Variants in GRIN2B observed in about 807,000 individuals in gnomAD.
GRIN2B encodes glutamate ionotropic receptor NMDA type subunit 2B, also known as glutamate receptor ionotropic, NMDA 2B.
GRIN2B carries 5 observed loss-of-function variants against 114.5 expected under a neutral mutation model. The ratio of observed to expected loss-of-function variants is 0.04; its 90% CI spans 0.02 to 0.09. The LOEUF (loss-of-function observed/expected upper bound fraction) is 0.09. Among genes scored for constraint, GRIN2B ranks in the 10% least tolerant of loss-of-function variants. The pLI is 1.00. For missense variants in GRIN2B, 1,108 were observed against 1,943.5 expected (o/e 0.57, Z 8.08); for synonymous variants, 787 against 745.1 (o/e 1.06, Z -0.92).
At chr12:13,834,466 A>T (rs1192868258) in intron 3 of GRIN2B, among the ~76,000 whole-genome samples, 2 of 151,784 alleles carry the variant, frequency 1.3e-5, no homozygotes, top group Non-Finnish European at 2.9e-5. Flanking sequence ...GTCATCTTTG[A>T]CCTACATGTG....
chr12:13,738,944 G>A (rs1187959813), intron 4 of GRIN2B, among the ~76,000 whole-genome samples: 2 of 152,164 alleles, frequency 1.3e-5, no homozygotes, highest in African/African-American at 2.4e-5. Flanking sequence ...TCATGACTGA[G>A]AAGCACTGAC....
chr12:13,564,718 T>G lies in GRIN2B; in HGVS notation c.2599-79A>C. ...ACAAAAAACACTCTCCCACCAATAATTGCTCCAACTGGATAAGAAAAAGGG... is the reference window on the plus strand; with the variant it reads ...ACAAAAAACACTCTCCCACCAATAAGTGCTCCAACTGGATAAGAAAAAGGG... On this transcript the variant is annotated intron_variant, in intron 13 of 13. Transcript: ENST00000609686. The surrounding 1 kb of genome is among the most constrained non-coding windows in gnomAD (Gnocchi z 4.8). 8.3e-7 allele frequency: 1 copy of G among 1,198,494 alleles called. No homozygotes were observed. The highest frequency in any genetic ancestry group is 1.2e-5 in the South Asian group (1 of 82,496). 74.2% of individuals were successfully genotyped at this position (1,198,494 alleles called of 1,614,324 possible).
At chr12:13,917,839 T>G (rs1866759016) in intron 2 of GRIN2B, among the ~76,000 whole-genome samples, 1 of 152,242 alleles carries the variant, frequency 6.6e-6, no homozygotes, top group African/African-American at 2.4e-5. Flanking sequence ...AGTGTTCTTT[T>G]TTTCTTTTTT....
At chr12:13,648,130 T>C (rs1470224567) in intron 5 of GRIN2B, among the ~76,000 whole-genome samples, 2 of 152,098 alleles carry the variant, frequency 1.3e-5, no homozygotes, top group Admixed American at 6.6e-5. Flanking sequence ...ATCAAAATAT[T>C]GACATGCCAA....
intron 2 of GRIN2B, among the ~76,000 whole-genome samples, chr12:13,965,842 A>G (rs1426900432): frequency 2.0e-5 from 3 of 152,210 alleles, no homozygotes; most frequent in Non-Finnish European, 2.9e-5. Context: ...CTTTTGCATG[A>G]TATGTCAATC....
At chr12:13,772,469 C>T (rs568535878) in intron 3 of GRIN2B, among the ~76,000 whole-genome samples, 9 of 152,252 alleles carry the variant, frequency 5.9e-5, no homozygotes, top group South Asian at 2.1e-4. Flanking sequence ...CCTGCTCAGT[C>T]GACAAGCTCC....
At chr12:13,979,772 C>T (rs1470296837) in intron 2 of GRIN2B, among the ~76,000 whole-genome samples, 156 bp downstream of exon 2, 6 of 152,092 alleles carry the variant, frequency 3.9e-5, no homozygotes, top group Non-Finnish European at 8.8e-5. Context: ...TGGGAGATTT[C>T]CTTCTTTGTA....
intron 3 of GRIN2B, among the ~76,000 whole-genome samples, chr12:13,857,897 T>C (rs565261737): frequency 2.2e-4 from 33 of 152,294 alleles, no homozygotes; most frequent in African/African-American, 7.9e-4. Context: ...ATGAGCATGA[T>C]GGATGACTAA....
intron 3 of GRIN2B, among the ~76,000 whole-genome samples, chr12:13,796,509 GC>G (rs1199279431): frequency 2.6e-5 from 4 of 152,222 alleles, no homozygotes; most frequent in African/African-American, 4.8e-5. Flanking sequence ...ATTCAGAGAA[GC>G]TTTTAGGGCC....
chr12:13,550,005 G>T lies in GRIN2B; in HGVS notation c.*12778C>A, dbSNP rs1948390304. 6.6e-6 allele frequency: 1 copy of T among 152,188 alleles called. No individual in the cohort carries two copies. The highest frequency in any genetic ancestry group is 6.5e-5 in the Admixed American group (1 of 15,276). 9.4% of individuals were successfully genotyped at this position (152,188 alleles called of 1,614,324 possible). A position where few individuals can be genotyped will look rare whatever the true frequency, so the allele number is the denominator to read the frequency against. On this transcript the variant is annotated 3_prime_UTR_variant, in exon 14 of 14. Transcript: ENST00000609686. ...TCAGGCAGCATTACTCGCTGAGCTAGACTGAGAGTTAGAAATTTGGACAAG... is the reference window on the plus strand; with the variant it reads ...TCAGGCAGCATTACTCGCTGAGCTATACTGAGAGTTAGAAATTTGGACAAG...
intron 5 of GRIN2B, among the ~76,000 whole-genome samples, chr12:13,672,887 G>T (rs1466362909): frequency 6.6e-6 from 1 of 152,042 alleles, no homozygotes; most frequent in Non-Finnish European, 1.5e-5. Context: ...CCGTATCAAG[G>T]GCAACAACAT....
intron 3 of GRIN2B, among the ~76,000 whole-genome samples, chr12:13,847,612 G>T (rs1203357467): frequency 6.6e-6 from 1 of 152,110 alleles, no homozygotes; most frequent in Non-Finnish European, 1.5e-5. Context: ...GGTCACAGGA[G>T]ATGGGGGGGA....
At chr12:13,819,897 C>A (rs1864900661) in intron 3 of GRIN2B, among the ~76,000 whole-genome samples, 1 of 152,138 alleles carries the variant, frequency 6.6e-6, no homozygotes, top group African/African-American at 2.4e-5. Context: ...TAAATGGAGA[C>A]TTCCAGTGAA....
At chr12:13,872,639 T>C (rs1429045939) in intron 2 of GRIN2B, among the ~76,000 whole-genome samples, 2 of 152,054 alleles carry the variant, frequency 1.3e-5, no homozygotes, top group Non-Finnish European at 2.9e-5. Context: ...CTCAGAAAAA[T>C]GCAGATAACA....
intron 2 of GRIN2B, among the ~76,000 whole-genome samples, chr12:13,962,218 A>G (rs1421119314): frequency 1.3e-5 from 2 of 151,944 alleles, no homozygotes; most frequent in East Asian, 1.9e-4. Context: ...CTTGAACCCA[A>G]CTGCACCGAG....
At chr12:13,808,757 A>ATATG (rs1864668714) in intron 3 of GRIN2B, among the ~76,000 whole-genome samples, 1 of 130,222 alleles carries the variant, frequency 7.7e-6, no homozygotes, top group African/African-American at 2.6e-5. Context: ...AAAAAAATAT[A>ATATG]TATATATATA....
At chr12:13,629,934 T>C (rs900514041) in intron 5 of GRIN2B, among the ~76,000 whole-genome samples, 8 of 152,164 alleles carry the variant, frequency 5.3e-5, no homozygotes, top group Non-Finnish European at 8.8e-5. Context: ...GACTAAGGGG[T>C]TAGGTATCCT....
At chr12:13,807,224 C>A (rs528714489) in intron 3 of GRIN2B, among the ~76,000 whole-genome samples, 63 of 152,226 alleles carry the variant, frequency 4.1e-4, no homozygotes, top group Admixed American at 3.7e-3. Flanking sequence ...TCTATGGTGA[C>A]CTTCTGCCCA....
intron 2 of GRIN2B, among the ~76,000 whole-genome samples, chr12:13,928,119 T>C (rs1182704107): frequency 1.3e-5 from 2 of 151,824 alleles, no homozygotes; most frequent in East Asian, 3.9e-4. Context: ...GAGACCAGCC[T>C]GGCCAACATG....
Sources: allele counts gnomAD v4.1 joint callset (sites outside exome capture counted in the v4.1 genomes callset), GRCh38; gene constraint gnomAD v4.1.1; non-coding constraint Gnocchi (gnomAD v3.1); transcripts MANE v1.5; gene names NCBI Gene and HGNC (gene_info 2026-07-23, HGNC 2026-07-21).